ARHGAP10: variants seen among roughly 807,000 people sequenced by gnomAD.
ARHGAP10 encodes Rho GTPase activating protein 10, also known as rho GTPase-activating protein 10.
ARHGAP10 carries 87 observed loss-of-function variants against 108.6 expected under a neutral mutation model. The observed-to-expected ratio is 0.80, with a 90% confidence interval of 0.67 to 0.96. The LOEUF (loss-of-function observed/expected upper bound fraction) is 0.96, where lower values mean the gene tolerates loss of function less well. ARHGAP10 is among the 40% of genes least tolerant of loss of function. The pLI is 0.00. For missense variants in ARHGAP10, 939 were observed against 954.5 expected (o/e 0.98, Z 0.21); for synonymous variants, 347 against 341.1 (o/e 1.02, Z -0.19).
intron 1 of ARHGAP10, among the ~76,000 whole-genome samples, chr4:147,802,863 A>G (rs924352103): frequency 2.0e-5 from 3 of 152,246 alleles, no homozygotes; most frequent in African/African-American, 7.2e-5. Flanking sequence ...TCCCTTCAAA[A>G]TGTGGTCCTC....
intron 20 of ARHGAP10, among the ~76,000 whole-genome samples, chr4:148,057,896 G>C (rs1217363140): frequency 2.6e-5 from 4 of 152,236 alleles, no homozygotes; most frequent in African/African-American, 9.6e-5. Flanking sequence ...TGATGAGCCA[G>C]TGGGTCTACT....
intron 1 of ARHGAP10, among the ~76,000 whole-genome samples, chr4:147,752,761 AAG>A (rs1729210348): frequency 1.3e-5 from 2 of 152,086 alleles, no homozygotes; most frequent in Admixed American, 6.5e-5. Context: ...TCCTGACCTC[AAG>A]TGATCCTCCC....
intron 1 of ARHGAP10, among the ~76,000 whole-genome samples, chr4:147,747,914 T>C (rs758755363): frequency 6.6e-6 from 1 of 151,760 alleles, no homozygotes; most frequent in Non-Finnish European, 1.5e-5. Context: ...CTCAAATGGG[T>C]GATTTTGACT....
At chr4:147,862,566 C>A (rs1734368740) in intron 5 of ARHGAP10, 1 of 152,326 alleles carries the variant, frequency 6.6e-6, no homozygotes, top group Non-Finnish European at 1.5e-5. Context: ...CTGCTCCAGA[C>A]TGGCCGCTGC....
chr4:148,072,226 GT>G lies in ARHGAP10; in HGVS notation c.*146del. On this transcript the variant is annotated 3_prime_UTR_variant, in exon 23 of 23. Coordinates refer to ENST00000336498, the MANE Select transcript of ARHGAP10 (RefSeq NM_024605.4). ...ACCATCATCACAGTCAGCCCTGGGG[GT>G]GGGGGGTGGTGGGCAGGGATGGGAC... 1.1e-5 allele frequency: 6 copies of G among 536,142 alleles called. No homozygotes were observed. The highest frequency in any genetic ancestry group is 3.8e-5 in the East Asian group (1 of 26,018). The allele number at this position is 536,142 out of a possible 1,614,324, so 33.2% of individuals were successfully genotyped here. A position where few individuals can be genotyped will look rare whatever the true frequency, so the allele number is the denominator to read the frequency against.
intron 19 of ARHGAP10, among the ~76,000 whole-genome samples, chr4:148,042,800 G>A (rs1197455010): frequency 6.6e-6 from 1 of 152,208 alleles, no homozygotes; most frequent in African/African-American, 2.4e-5. Flanking sequence ...GTAAATGCTA[G>A]TTGGGTGAAT....
intron 1 of ARHGAP10, among the ~76,000 whole-genome samples, chr4:147,767,131 G>A (rs528933039): frequency 6.6e-6 from 1 of 152,124 alleles, no homozygotes; most frequent in African/African-American, 2.4e-5. Flanking sequence ...GATTACAGGT[G>A]TGAGCCACCG....
At chr4:147,785,000 A>T (rs896560823) in intron 1 of ARHGAP10, among the ~76,000 whole-genome samples, 4 of 137,216 alleles carry the variant, frequency 2.9e-5, no homozygotes, top group Non-Finnish European at 6.1e-5. Flanking sequence ...ATATTATGAA[A>T]TATATGTTAT....
At chr4:147,764,852 G>C (rs1346865801) in intron 1 of ARHGAP10, among the ~76,000 whole-genome samples, 1 of 152,158 alleles carries the variant, frequency 6.6e-6, no homozygotes, top group Admixed American at 6.6e-5. Flanking sequence ...CATTTATTAA[G>C]TGTGTTTTAT....
Position 147,965,028 on chromosome 4 carries a change from C to T in ARHGAP10, c.1455C>T (p.Ser485=), listed in dbSNP as rs372408519. Residue 485 remains serine, a synonymous_variant, in exon 17 of 23, where the codon AGC becomes AGT. Coordinates refer to ENST00000336498, the MANE Select transcript of ARHGAP10 (RefSeq NM_024605.4). ...TTATTATTTTTTTTTTGGAAGAAAG[C>T]GGCAGCCCAGAATCTCGTGTTAATG... is the stretch of plus-strand genomic sequence containing the variant. The part of the protein sequence containing the change: ...LHGDFIVPAK[S]GSPESRVNAI... The T allele has an allele frequency of 7.1e-5, 108 of 1,530,152 alleles. No homozygotes were observed. The highest frequency in any genetic ancestry group is 8.8e-5 in the Non-Finnish European group (101 of 1,144,016). The allele number at this position is 1,530,152 out of a possible 1,614,324, so 94.8% of individuals were successfully genotyped here.
At chr4:147,908,901 C>T (rs1329824484) in intron 11 of ARHGAP10, among the ~76,000 whole-genome samples, 1 of 152,068 alleles carries the variant, frequency 6.6e-6, no homozygotes, top group Non-Finnish European at 1.5e-5. Flanking sequence ...CAGAGATGTT[C>T]CTTTTTGTTA....
At chr4:148,065,438 CAG>C (rs1358905962) in intron 22 of ARHGAP10, 1 of 152,186 alleles carries the variant, frequency 6.6e-6, no homozygotes, top group African/African-American at 2.4e-5. Flanking sequence ...TCTTCAGAGA[CAG>C]AGACTCCTGG....
intron 19 of ARHGAP10, among the ~76,000 whole-genome samples, chr4:148,036,619 A>G (rs899427175): frequency 1.3e-5 from 2 of 152,238 alleles, no homozygotes; most frequent in African/African-American, 4.8e-5. Context: ...CCTTCCAGCC[A>G]TACTGAACTA....
At position 147,762,352 on chromosome 4, in the gene ARHGAP10, G is replaced by C. The variant is rs185107832; in HGVS notation, c.154+29897G>C. Among the ~76,000 whole-genome samples, 831 of 151,986 alleles carry C rather than the reference G, an allele frequency of 5.5e-3. 2 individuals carry two copies. Among genetic ancestry groups the C allele is most frequent in the Non-Finnish European group, 7.8e-3 (529 of 67,992 alleles). ...AAATCTAGGTATGCCACAAATTAAT[G>C]TTATTTCTAACTGGTTATACTCTTT... is the stretch of plus-strand genomic sequence containing the variant. On this transcript the variant is annotated intron_variant, in intron 1 of 22. Transcript: ENST00000336498.
rs150073877 is a variant in ARHGAP10 at position 148,005,490 on chromosome 4, T to C, written c.1717-17773T>C. On this transcript the variant is annotated intron_variant, in intron 18 of 22. Coordinates refer to ENST00000336498, the MANE Select transcript of ARHGAP10 (RefSeq NM_024605.4). ...CAATATTCTGTATGTATCAGTATTA[T>C]CAATTATTATGGCCCTTTTGTGGTT... Among the ~76,000 whole-genome samples, 700 of 152,356 alleles carry C rather than the reference T, an allele frequency of 4.6e-3. 9 individuals carry two copies. Among genetic ancestry groups the C allele is most frequent in the Admixed American group, 0.022 (342 of 15,304 alleles).
chr4:148,032,341 C>A (rs999839265), intron 19 of ARHGAP10, among the ~76,000 whole-genome samples: 6 of 79,170 alleles, frequency 7.6e-5, no homozygotes, highest in East Asian at 6.4e-4. Context: ...CCCCCCCCCC[C>A]CCCCCATATT....
At chr4:147,834,699 C>T (rs574893010) in intron 3 of ARHGAP10, among the ~76,000 whole-genome samples, 65 of 151,050 alleles carry the variant, frequency 4.3e-4, no homozygotes, top group African/African-American at 1.5e-3. Context: ...CTCACACCCA[C>T]ACCCATACAC....
At chr4:148,041,033 A>G (rs1312740105) in intron 19 of ARHGAP10, among the ~76,000 whole-genome samples, 1 of 152,226 alleles carries the variant, frequency 6.6e-6, no homozygotes, top group African/African-American at 2.4e-5. Context: ...GTATTTGTAT[A>G]CCAAAGTAGG....
chr4:147,876,741 A>G (rs2126864666), intron 8 of ARHGAP10, among the ~76,000 whole-genome samples: 1 of 152,360 alleles, frequency 6.6e-6, no homozygotes, highest in East Asian at 1.9e-4. Flanking sequence ...AATTGGACTG[A>G]AACAACATAA....
Sources: gnomAD v4.1 joint callset for allele counts (sites outside exome capture counted in the v4.1 genomes callset) on GRCh38, gnomAD v4.1.1 for gene constraint, MANE v1.5 for transcripts, NCBI Gene and HGNC (gene_info 2026-07-23, HGNC 2026-07-21) for gene names.